The following KLHL29 variants were observed in gnomAD, a reference collection of about 807,000 sequenced individuals.
KLHL29 encodes the protein kelch-like protein 29.
KLHL29 carries 21 observed loss-of-function variants against 80.4 expected under a neutral mutation model. The observed-to-expected ratio is 0.26, with a 90% confidence interval of 0.19 to 0.38. The LOEUF is 0.38. Among genes scored for constraint, KLHL29 ranks in the 10% least tolerant of loss-of-function variants. KLHL29 has a pLI of 1.00. For missense variants in KLHL29, 867 were observed against 1,223.9 expected (o/e 0.71, Z 4.35); for synonymous variants, 511 against 526.8 (o/e 0.97, Z 0.41).
intron 3 of KLHL29, among the ~76,000 whole-genome samples, chr2:23,625,415 C>T (rs939478348): frequency 9.2e-5 from 14 of 152,170 alleles, no homozygotes; most frequent in Admixed American, 7.2e-4. Context: ...CACAGGGGCA[C>T]GGTGGATTCT....
intron 3 of KLHL29, among the ~76,000 whole-genome samples, chr2:23,563,325 G>A (rs1395866599): frequency 6.6e-6 from 1 of 152,222 alleles, no homozygotes; most frequent in Admixed American, 6.5e-5. Flanking sequence ...GGAGGGCCGG[G>A]CCCCTGGCCA....
intron 1 of KLHL29, among the ~76,000 whole-genome samples, chr2:23,416,643 T>C (rs563720827): frequency 6.6e-6 from 1 of 152,366 alleles, no homozygotes; most frequent in African/African-American, 2.4e-5. Flanking sequence ...TATGATTTAC[T>C]GAAACTCTTC....
chr2:23,425,494 A>G (rs1163298850), intron 1 of KLHL29, among the ~76,000 whole-genome samples: 1 of 152,184 alleles, frequency 6.6e-6, no homozygotes, highest in Non-Finnish European at 1.5e-5. Context: ...GCCAGAGGTG[A>G]GGGCATTTAG....
intron 1 of KLHL29, among the ~76,000 whole-genome samples, chr2:23,435,636 C>G (rs547008312): frequency 1.3e-5 from 2 of 152,104 alleles, no homozygotes; most frequent in African/African-American, 2.4e-5. Flanking sequence ...TTTAAATGCC[C>G]GAACTTAAAT....
At chr2:23,385,950 AC>A (rs1409751247) in intron 1 of KLHL29, among the ~76,000 whole-genome samples, 170 bp downstream of exon 1, 3 of 151,638 alleles carry the variant, frequency 2.0e-5, no homozygotes, top group Non-Finnish European at 2.9e-5. Context: ...CCGCGTCTGG[AC>A]TCGCAGGCTG....
intron 1 of KLHL29, among the ~76,000 whole-genome samples, chr2:23,399,540 C>G (rs1397000572): frequency 3.9e-5 from 6 of 152,230 alleles, no homozygotes; most frequent in African/African-American, 9.6e-5. Flanking sequence ...GTTACCCGCT[C>G]TGTGCTGAGC....
At chr2:23,502,548 T>A (rs1207683277) in intron 2 of KLHL29, among the ~76,000 whole-genome samples, 1 of 152,236 alleles carries the variant, frequency 6.6e-6, no homozygotes. Context: ...CTCTGGCCCC[T>A]GTGCCCCTTC....
At chr2:23,648,958 C>T (rs1670013048) in intron 5 of KLHL29, among the ~76,000 whole-genome samples, 4 of 152,224 alleles carry the variant, frequency 2.6e-5, no homozygotes, top group Admixed American at 2.6e-4. Flanking sequence ...GTGCCATCCT[C>T]ACAGACATGC....
intron 3 of KLHL29, among the ~76,000 whole-genome samples, chr2:23,579,832 T>TA (rs1667936335): frequency 6.6e-6 from 1 of 152,188 alleles, no homozygotes. Flanking sequence ...CCATGGGTCT[T>TA]ACATTTCAGC....
chr2:23,425,712 A>G (rs1394356809), intron 1 of KLHL29, among the ~76,000 whole-genome samples: 2 of 152,154 alleles, frequency 1.3e-5, no homozygotes, highest in Non-Finnish European at 2.9e-5. Context: ...CTTGCCTTAG[A>G]TTAGACTGGG....
At chr2:23,390,271 C>T (rs966621738) in intron 1 of KLHL29, among the ~76,000 whole-genome samples, 4 of 152,108 alleles carry the variant, frequency 2.6e-5, no homozygotes, top group African/African-American at 9.7e-5. Context: ...ATTTTCTGTG[C>T]GAGAGGGTAT....
chr2:23,431,689 C>G lies in KLHL29; in HGVS notation c.-153-43871C>G, dbSNP rs138851070. Among the ~76,000 whole-genome samples, 594 of 152,170 alleles carry G rather than the reference C, an allele frequency of 3.9e-3. 4 individuals are homozygous for G. Among genetic ancestry groups the G allele is most frequent in the African/African-American group, 0.014 (564 of 41,520 alleles). Reference sequence around the variant, plus strand: ...GGGTGGATCATTGAGGTCAGGAGATCGAGACCATCCTGGCTAACACGGTGA... The same window carrying G: ...GGGTGGATCATTGAGGTCAGGAGATGGAGACCATCCTGGCTAACACGGTGA... On this transcript the variant is annotated intron_variant, in intron 1 of 13. Transcript: ENST00000486442.
intron 3 of KLHL29, among the ~76,000 whole-genome samples, chr2:23,622,580 C>G (rs1046084468): frequency 7.9e-5 from 12 of 152,208 alleles, no homozygotes; most frequent in African/African-American, 2.9e-4. Flanking sequence ...CTGGACTCTC[C>G]CAACAACAGG....
At chr2:23,690,686 G>A (rs1450669780) in intron 6 of KLHL29, 2 of 152,234 alleles carry the variant, frequency 1.3e-5, no homozygotes, top group Non-Finnish European at 2.9e-5. Context: ...GGCCGCCTCC[G>A]GACTCCTAAC....
At chr2:23,671,586 C>G (rs1670763844) in intron 5 of KLHL29, among the ~76,000 whole-genome samples, 2 of 152,312 alleles carry the variant, frequency 1.3e-5, no homozygotes, top group South Asian at 4.1e-4. Flanking sequence ...CAAAGCACAC[C>G]GTTCCTGTGG....
intron 5 of KLHL29, chr2:23,643,620 A>T (rs1669839262): frequency 6.4e-6 from 1 of 156,044 alleles, no homozygotes; most frequent in Non-Finnish European, 1.4e-5. Context: ...TGTCTGAGGG[A>T]TCAGTCCAGA....
At chr2:23,652,780 C>T (rs949524044) in intron 5 of KLHL29, among the ~76,000 whole-genome samples, 4 of 152,132 alleles carry the variant, frequency 2.6e-5, no homozygotes, top group South Asian at 2.1e-4. Flanking sequence ...CCAAATGAAG[C>T]GAAAAGAGAA....
chr2:23,466,860 G>T (rs1037916127), intron 1 of KLHL29, among the ~76,000 whole-genome samples: 1 of 152,230 alleles, frequency 6.6e-6, no homozygotes, highest in Non-Finnish European at 1.5e-5. Flanking sequence ...CAGGAAGGAA[G>T]ACTGGGTTGG....
intron 1 of KLHL29, among the ~76,000 whole-genome samples, chr2:23,425,948 T>C (rs765770078): frequency 6.6e-6 from 1 of 152,136 alleles, no homozygotes; most frequent in African/African-American, 2.4e-5. Flanking sequence ...GAGCATGCTG[T>C]GTATACATTC....
Sources: allele counts gnomAD v4.1 joint callset (sites outside exome capture counted in the v4.1 genomes callset), GRCh38; gene constraint gnomAD v4.1.1; transcripts MANE v1.5; gene names NCBI Gene and HGNC (gene_info 2026-07-23, HGNC 2026-07-21).